The following CENPC variants were observed in gnomAD, a reference collection of about 807,000 sequenced individuals.
CENPC encodes the protein centromere protein C, also known as CENP-C 1.
In CENPC, 63 loss-of-function variants were observed where a neutral mutation model predicts 112.1. The observed-to-expected ratio is 0.56, with a 90% CI of 0.46 to 0.69. The LOEUF (loss-of-function observed/expected upper bound fraction) is 0.69, where lower values mean the gene tolerates loss of function less well. Ranked by LOEUF, CENPC falls within the 30% of genes least tolerant of loss-of-function variation. The pLI is 0.00. For synonymous variants in CENPC, 333 were observed against 367.6 expected, an observed-to-expected ratio of 0.91 and a Z score of 1.08; for missense variants, 1,000 against 1,103.8, an observed-to-expected ratio of 0.91 and a Z score of 1.33.
In CENPC at chr4:67,493,740, G is replaced by A. The variant is rs925377879; in HGVS notation, c.2290+144C>T. The A allele has an allele frequency of 3.8e-5, 22 of 571,730 alleles. 1 individual carries two copies. The highest frequency in any genetic ancestry group is 6.2e-5 in the Non-Finnish European group (20 of 322,740). The allele number at this position is 571,730 out of a possible 1,614,324, so 35.4% of individuals were successfully genotyped here. ...AATATCAGCATCTCTACATTAATCA[G>A]ACAAAAATGAATTTAAATCCTATTA... On this transcript the variant is annotated intron_variant, in intron 14 of 18. Transcript: ENST00000273853.
chr4:67,482,573 A>T (rs1724984626), intron 17 of CENPC, among the ~76,000 whole-genome samples: 1 of 152,240 alleles, frequency 6.6e-6, no homozygotes, highest in Admixed American at 6.5e-5. Context: ...ATAAAAAGGA[A>T]TGAAATAATG....
intron 12 of CENPC, among the ~76,000 whole-genome samples, chr4:67,497,204 C>A (rs941741172): frequency 1.3e-5 from 2 of 151,730 alleles, no homozygotes; most frequent in Non-Finnish European, 1.5e-5. Flanking sequence ...ATGGTGAAAC[C>A]CCATCTCTAC....
At chr4:67,500,371 T>C (rs1427020919) in intron 12 of CENPC, among the ~76,000 whole-genome samples, 6 of 152,144 alleles carry the variant, frequency 3.9e-5, no homozygotes, top group African/African-American at 7.2e-5. Context: ...TGTGTATATA[T>C]ATATCTATTT....
At chr4:67,496,395 C>G (rs1725432322) in intron 12 of CENPC, among the ~76,000 whole-genome samples, 1 of 152,180 alleles carries the variant, frequency 6.6e-6, no homozygotes, top group South Asian at 2.1e-4. Context: ...CTGTATTAAG[C>G]CTTTAAGTTT....
At chr4:67,515,204 G>A (rs1253222022) in intron 7 of CENPC, among the ~76,000 whole-genome samples, 4 of 150,026 alleles carry the variant, frequency 2.7e-5, no homozygotes. Flanking sequence ...GGTGGCTCAC[G>A]CCTGTAATCC....
intron 12 of CENPC, among the ~76,000 whole-genome samples, chr4:67,504,383 G>A (rs900327254): frequency 6.6e-6 from 1 of 151,844 alleles, no homozygotes; most frequent in Non-Finnish European, 1.5e-5. Flanking sequence ...ATCTAATGAC[G>A]GGGGAAAAAT....
chr4:67,496,094 A>G (rs1431228251), intron 12 of CENPC, among the ~76,000 whole-genome samples: 6 of 152,232 alleles, frequency 3.9e-5, no homozygotes, highest in Non-Finnish European at 8.8e-5. Context: ...GACAGCAACA[A>G]TATGAAGATT....
At chr4:67,536,176 A>G (rs1003723878) in intron 4 of CENPC, among the ~76,000 whole-genome samples, 36 of 152,222 alleles carry the variant, frequency 2.4e-4, no homozygotes, top group African/African-American at 8.2e-4. Flanking sequence ...AAAAGAGAGT[A>G]ATAACTATGA....
At chr4:67,511,104 G>A (rs566738039) in intron 9 of CENPC, 1 of 454,720 alleles carries the variant, frequency 2.2e-6, no homozygotes, top group South Asian at 1.6e-5. Flanking sequence ...CACCTACTAT[G>A]CTAATTGCAT....
chr4:67,503,569 C>T (rs1455753678), intron 12 of CENPC, among the ~76,000 whole-genome samples: 1 of 152,100 alleles, frequency 6.6e-6, no homozygotes, highest in Non-Finnish European at 1.5e-5. Flanking sequence ...TGTTCACTGA[C>T]ACACCCCTAC....
In CENPC at chr4:67,470,089, T is replaced by C. The variant is rs779566822; in HGVS notation, c.*2516A>G. ...CTTGTGACTACTGTATCAGCCATTA[T>C]AGCCCTAGAAGTTGGCTGAACAGTT... On this transcript the variant is annotated 3_prime_UTR_variant, in exon 19 of 19. Coordinates refer to ENST00000273853, the MANE Select transcript of CENPC (RefSeq NM_001812.4). 1 of 152,248 alleles carries C rather than the reference T, an allele frequency of 6.6e-6. No homozygotes were observed. Among genetic ancestry groups the C allele is most frequent in the Non-Finnish European group, 1.5e-5 (1 of 68,036 alleles). The allele number at this position is 152,248 out of a possible 1,614,324, so 9.4% of individuals were successfully genotyped here.
intron 9 of CENPC, 96 bp from the exon 10 acceptor site, chr4:67,509,201 TACACATACACAC>T (rs1484324322): frequency 3.5e-5 from 20 of 576,058 alleles, no homozygotes; most frequent in East Asian, 5.9e-5. Flanking sequence ...TATAAACATA[TACACATACACAC>T]ACACACACAC....
chr4:67,530,939 T>C, intron 4 of CENPC, 25 bp from the exon 5 acceptor site: 1 of 1,206,700 alleles, frequency 8.3e-7, no homozygotes, highest in Non-Finnish European at 1.2e-6. Context: ...AATACAACAT[T>C]AGAACTATTT....
In CENPC at chr4:67,491,511, A is replaced by AGAGAGAGAGAGG. The variant is rs1553893240; in HGVS notation, c.2515+668_2515+669insCCTCTCTCTCTC. Among the ~76,000 whole-genome samples the AGAGAGAGAGAGG allele has an allele frequency of 8.5e-4, 97 of 114,476 alleles. 1 individual carries two copies. Among genetic ancestry groups the AGAGAGAGAGAGG allele is most frequent in the East Asian group, 6.7e-3 (12 of 1,796 alleles). 75.1% of individuals were successfully genotyped at this position (114,476 alleles called of 152,430 possible). ...GAGAGAGAGAGAGAGAGAGAGAGAGAGAGAGAGAGAGAGAGAGCCTGGTTG... is the reference window on the plus strand; with the variant it reads ...GAGAGAGAGAGAGAGAGAGAGAGAGAGAGAGAGAGAGGGAGAGAGAGAGAGAGAGCCTGGTTG... On this transcript the variant is annotated intron_variant, in intron 16 of 18. Transcript: ENST00000273853.
At chr4:67,523,241 A>G (rs6819563) in intron 5 of CENPC, among the ~76,000 whole-genome samples, 126 of 152,258 alleles carry the variant, frequency 8.3e-4, no homozygotes, top group Non-Finnish European at 1.6e-3. Flanking sequence ...TGAACCCTGG[A>G]GTCAGAAGTT....
Position 67,514,298 on chromosome 4 carries a change from G to A in CENPC, c.1220C>T (p.Ala407Val). The A allele has an allele frequency of 6.2e-7, 1 of 1,609,556 alleles. No homozygotes were observed. Among genetic ancestry groups the A allele is most frequent in the South Asian group, 1.1e-5 (1 of 90,730 alleles). ...STKYEMYSKN[A>V]EKPSRSKRTI... is the part of the protein sequence containing the mutation. The stretch of plus-strand genomic sequence containing the variant: ...CCTTTTGCTTCTAGATGGTTTTTCT[G>A]CATTCTTGGAATACATTTCATATTT... Residue 407 changes from alanine to valine, a missense_variant, in exon 8 of 19, where the codon GCA becomes GTA. Transcript: ENST00000273853.
intron 5 of CENPC, among the ~76,000 whole-genome samples, chr4:67,525,476 AAAAC>A (rs553548138): frequency 7.2e-5 from 11 of 152,202 alleles, no homozygotes; most frequent in Admixed American, 2.0e-4. Context: ...AAGAAAAACA[AAAAC>A]AAACAATCCC....
rs754473078 is a variant in CENPC, at chr4:67,545,347, C to A, written c.9G>T (p.Ala3=). 7.2e-6 allele frequency: 11 copies of A among 1,523,416 alleles called. No individual in the cohort carries two copies. Among genetic ancestry groups the A allele is most frequent in the Non-Finnish European group, 9.7e-6 (11 of 1,131,770 alleles). The allele number at this position is 1,523,416 out of a possible 1,614,324, so 94.4% of individuals were successfully genotyped here. A position where few individuals can be genotyped will look rare whatever the true frequency, so the allele number is the denominator to read the frequency against. Reference sequence around the variant, plus strand: ...GGGGGCCTGCACTTACCAGACCGGACGCAGCCATGTTCCGGCCCCGCTGAG... The same window carrying A: ...GGGGGCCTGCACTTACCAGACCGGAAGCAGCCATGTTCCGGCCCCGCTGAG... MA[A]SGLDHLKNGY... is the part of the protein sequence containing the mutation. The change falls in exon 1 of 19, where the codon GCG becomes GCT. Residue 3 remains alanine (A), a synonymous_variant. Coordinates refer to ENST00000273853, the MANE Select transcript of CENPC (RefSeq NM_001812.4).
intron 7 of CENPC, among the ~76,000 whole-genome samples, 191 bp from the exon 8 acceptor site, chr4:67,514,878 G>C (rs147856998): frequency 2.6e-5 from 4 of 151,496 alleles, no homozygotes; most frequent in Admixed American, 2.6e-4. Context: ...ATTTATAATA[G>C]TAATGACATC....
Sources: allele counts gnomAD v4.1 joint callset (sites outside exome capture counted in the v4.1 genomes callset), GRCh38; gene constraint gnomAD v4.1.1; transcripts MANE v1.5; gene names NCBI Gene and HGNC (gene_info 2026-07-23, HGNC 2026-07-21).